Variants in CDYL2 observed in about 807,000 individuals in gnomAD.
CDYL2 encodes the protein chromodomain Y like 2.
A neutral mutation model predicts 49.4 loss-of-function variants in CDYL2; 23 were observed. That is an observed-to-expected ratio of 0.47 (90% CI 0.34 to 0.66). The LOEUF is 0.66. Among genes scored for constraint, CDYL2 ranks in the 30% least tolerant of loss-of-function variants. The pLI, the probability that CDYL2 is intolerant of heterozygous loss-of-function variation, is 0.01. For synonymous variants in CDYL2, 360 were observed against 268.8 expected, an observed-to-expected ratio of 1.34 and a Z score of -3.32; for missense variants, 678 against 656.4, an observed-to-expected ratio of 1.03 and a Z score of -0.36.
At chr16:80,616,955 G>C (rs868657464) in intron 4 of CDYL2, among the ~76,000 whole-genome samples, 2 of 152,200 alleles carry the variant, frequency 1.3e-5, no homozygotes, top group South Asian at 2.1e-4. Flanking sequence ...AGCAAGTGCA[G>C]AGGCAGCTTT....
intron 3 of CDYL2, chr16:80,627,706 T>C (rs1597132948): frequency 1.3e-5 from 2 of 152,210 alleles, no homozygotes; most frequent in Admixed American, 6.5e-5. Context: ...TGTATGCATA[T>C]AACTACCTCT....
chr16:80,706,274 A>C (rs539659816), intron 1 of CDYL2, among the ~76,000 whole-genome samples: 21 of 152,354 alleles, frequency 1.4e-4, no homozygotes, highest in African/African-American at 4.6e-4. Context: ...CAGGTTTGTG[A>C]AAAATGAGTT....
At position 80,601,087 on chromosome 16, in the gene CDYL2, G is replaced by C. The variant is rs1906061345; in HGVS notation, c.*3301C>G. 1 of 152,306 alleles carries C rather than the reference G, an allele frequency of 6.6e-6. No individual in the cohort carries two copies. Among genetic ancestry groups the C allele is most frequent in the Admixed American group, 6.5e-5 (1 of 15,300 alleles). The allele number at this position is 152,306 out of a possible 1,614,324, so 9.4% of individuals were successfully genotyped here. On this transcript the variant is annotated 3_prime_UTR_variant, in exon 7 of 7. Transcript: ENST00000570137. The stretch of plus-strand genomic sequence containing the variant: ...TAGTGATTTTGATGGCTGTTACCCA[G>C]ACATTATTTCTATGCCGGAAGGGGC...
intron 6 of CDYL2, 119 bp downstream of exon 6, chr16:80,607,973 C>T: frequency 8.2e-7 from 1 of 1,222,670 alleles, no homozygotes; most frequent in Non-Finnish European, 1.1e-6. Flanking sequence ...TGCAAAGGGT[C>T]TTTTGCTTAT....
intron 6 of CDYL2, among the ~76,000 whole-genome samples, chr16:80,605,755 C>T (rs370235717): frequency 6.6e-6 from 1 of 152,082 alleles, no homozygotes; most frequent in Non-Finnish European, 1.5e-5. Context: ...TTTGTAATAA[C>T]TATAATAATG....
At position 80,741,346 on chromosome 16, in the gene CDYL2, T is replaced by TA. The variant is rs904538214; in HGVS notation, c.25-56218dup. ...TCCAATTTACCTCAAGAATTAAATG[T>TA]AAAAAAAAAATGCACACACACACTT... On this transcript the variant is annotated intron_variant, in intron 1 of 6. Coordinates refer to ENST00000570137, the MANE Select transcript of CDYL2 (RefSeq NM_152342.4). Among the ~76,000 whole-genome samples the TA allele has an allele frequency of 4.4e-4, 65 of 148,816 alleles. 1 individual carries two copies. Among genetic ancestry groups the TA allele is most frequent in the Admixed American group, 3.3e-3 (49 of 14,868 alleles).
rs1414823463 is a variant in CDYL2 at position 80,603,590 on chromosome 16, T to C, written c.*798A>G. 6.6e-6 allele frequency: 1 copy of C among 152,594 alleles called. No homozygotes were observed. The highest frequency in any genetic ancestry group is 2.4e-5 in the African/African-American group (1 of 41,430). The allele number at this position is 152,594 out of a possible 1,614,324, so 9.5% of individuals were successfully genotyped here. ...AATGCACCAAACGGCATGAACCTTG[T>C]GTGGGATTTGGTCCAGGGTAGTATG... is the stretch of plus-strand genomic sequence containing the variant. On this transcript the variant is annotated 3_prime_UTR_variant, in exon 7 of 7. Coordinates refer to ENST00000570137, the MANE Select transcript of CDYL2 (RefSeq NM_152342.4).
At position 80,777,653 on chromosome 16, in the gene CDYL2, AAAG is replaced by A. The variant is rs1433321336; in HGVS notation, c.24+26494_24+26496del. ...CTAATATAAACTACCAAGAATTATT[AAAG>A]AAGTGAAAATATGAAAAAAATCAAG... On this transcript the variant is annotated intron_variant, in intron 1 of 6. Coordinates refer to ENST00000570137, the MANE Select transcript of CDYL2 (RefSeq NM_152342.4). Among the ~76,000 whole-genome samples the A allele has an allele frequency of 2.0e-4, 31 of 152,276 alleles. No homozygotes were observed. In the East Asian group the frequency reaches 4.0e-3, roughly 20 times the overall value.
At chr16:80,633,694 G>A (rs1449785845) in intron 2 of CDYL2, among the ~76,000 whole-genome samples, 1 of 151,492 alleles carries the variant, frequency 6.6e-6, no homozygotes, top group Non-Finnish European at 1.5e-5. Context: ...TTTAATATGA[G>A]AACCAGAGAT....
At chr16:80,774,805 C>T (rs1212587421) in intron 1 of CDYL2, among the ~76,000 whole-genome samples, 1 of 149,948 alleles carries the variant, frequency 6.7e-6, no homozygotes, top group Non-Finnish European at 1.5e-5. Flanking sequence ...TCAGAATGAG[C>T]AAAGCACAAA....
At chr16:80,705,084 T>G (rs1341165753) in intron 1 of CDYL2, among the ~76,000 whole-genome samples, 1 of 152,210 alleles carries the variant, frequency 6.6e-6, no homozygotes, top group Non-Finnish European at 1.5e-5. Flanking sequence ...TACGCTGACT[T>G]CAGGAAATCC....
intron 1 of CDYL2, among the ~76,000 whole-genome samples, chr16:80,776,596 A>G (rs891450178): frequency 5.3e-5 from 8 of 149,680 alleles, no homozygotes; most frequent in South Asian, 2.1e-4. Context: ...TTGTATCTGT[A>G]TATTATATAT....
Position 80,767,154 on chromosome 16 carries a change from T to G in CDYL2, c.24+36996A>C, listed in dbSNP as rs184800269. Among the ~76,000 whole-genome samples, 3 of 152,150 alleles carry G rather than the reference T, an allele frequency of 2.0e-5. No individual in the cohort carries two copies. In the East Asian group the frequency reaches 5.8e-4, roughly 29 times the overall value. On this transcript the variant is annotated intron_variant, in intron 1 of 6. Coordinates refer to ENST00000570137, the MANE Select transcript of CDYL2 (RefSeq NM_152342.4). ...AACAGCAGTGACAAATAGAAGAACA[T>G]CAGCCCTCCACATACTAGAACTTTT...
intron 3 of CDYL2, among the ~76,000 whole-genome samples, chr16:80,623,361 C>T (rs762209407): frequency 2.6e-5 from 4 of 152,162 alleles, no homozygotes; most frequent in Non-Finnish European, 4.4e-5. Flanking sequence ...GATGAACCAA[C>T]AAACAAGATG....
intron 2 of CDYL2, among the ~76,000 whole-genome samples, chr16:80,674,645 G>A (rs1909668168): frequency 6.6e-6 from 1 of 152,100 alleles, no homozygotes. Context: ...CCTGGCAACG[G>A]CTAATCTACT....
intron 6 of CDYL2, among the ~76,000 whole-genome samples, chr16:80,606,588 T>C (rs1043119303): frequency 6.6e-6 from 1 of 152,210 alleles, no homozygotes; most frequent in African/African-American, 2.4e-5. Context: ...TTAGAATTTC[T>C]ACCTGTCTCT....
At chr16:80,787,889 C>G (rs897764094) in intron 1 of CDYL2, among the ~76,000 whole-genome samples, 2 of 152,108 alleles carry the variant, frequency 1.3e-5, no homozygotes, top group African/African-American at 4.8e-5. Flanking sequence ...AGCATGCAGA[C>G]ATATTTGCTA....
intron 1 of CDYL2, among the ~76,000 whole-genome samples, chr16:80,754,411 A>G (rs1171444189): frequency 6.6e-6 from 1 of 152,228 alleles, no homozygotes; most frequent in African/African-American, 2.4e-5. Context: ...CCCTAACATC[A>G]TAAATTAGGA....
chr16:80,698,178 G>C (rs1904283707), intron 1 of CDYL2, among the ~76,000 whole-genome samples: 1 of 152,146 alleles, frequency 6.6e-6, no homozygotes, highest in Non-Finnish European at 1.5e-5. Context: ...AAACAGTATA[G>C]TACTGGCATA....
Sources: gnomAD v4.1 joint callset for allele counts (sites outside exome capture counted in the v4.1 genomes callset) on GRCh38, gnomAD v4.1.1 for gene constraint, MANE v1.5 for transcripts, NCBI Gene and HGNC (gene_info 2026-07-23, HGNC 2026-07-21) for gene names.